LHPP: variants seen among roughly 807,000 people sequenced by gnomAD.
LHPP encodes the protein hLHPP.
In LHPP, 24 loss-of-function variants were observed where a neutral mutation model predicts 30.3. That is an observed-to-expected ratio of 0.79 (90% CI 0.57 to 1.11). The LOEUF is 1.11. LHPP is among the 50% of genes most tolerant of loss of function. The pLI is 0.00. For synonymous variants in LHPP, 150 were observed against 157.1 expected (o/e 0.95, Z 0.34); for missense variants, 356 against 367.2 (o/e 0.97, Z 0.25).
chr10:124,516,718 T>C (rs767985052), intron 5 of LHPP, among the ~76,000 whole-genome samples: 12 of 152,210 alleles, frequency 7.9e-5, no homozygotes, highest in Admixed American at 1.3e-4. Flanking sequence ...TATTATTTTG[T>C]TTTTAAGGCA....
intron 3 of LHPP, among the ~76,000 whole-genome samples, chr10:124,494,065 A>G (rs1317433530): frequency 1.3e-5 from 2 of 152,084 alleles, no homozygotes; most frequent in Non-Finnish European, 2.9e-5. Flanking sequence ...TTCTCCTTGG[A>G]CTCTAAAGAT....
Position 124,541,724 on chromosome 10 carries a change from C to T in LHPP, c.716+24453C>T, listed in dbSNP as rs533118606. 3.9e-5 allele frequency among the ~76,000 whole-genome samples: 6 copies of T among 152,206 alleles called. No homozygotes were observed. Among genetic ancestry groups the T allele is most frequent in the African/African-American group, 1.4e-4 (6 of 41,524 alleles). ...TGACGTCATCCCTCAGTACAAGCTACGAGGGCTTCTTAGAACACGCTGGAC... is the reference window on the plus strand; with the variant it reads ...TGACGTCATCCCTCAGTACAAGCTATGAGGGCTTCTTAGAACACGCTGGAC... On this transcript the variant is annotated intron_variant, in intron 6 of 6. Transcript: ENST00000368842. This position sits in a 1 kb window ranked among gnomAD's most constrained non-coding sequence, Gnocchi z 4.2.
At chr10:124,588,549 A>G (rs918383387) in intron 6 of LHPP, among the ~76,000 whole-genome samples, 2 of 152,236 alleles carry the variant, frequency 1.3e-5, no homozygotes, top group African/African-American at 4.8e-5. Flanking sequence ...TGCTGGGATT[A>G]CAGGCGTGAG....
intron 6 of LHPP, among the ~76,000 whole-genome samples, chr10:124,572,984 G>A (rs1235426394): frequency 6.6e-6 from 1 of 152,244 alleles, no homozygotes; most frequent in Non-Finnish European, 1.5e-5. Flanking sequence ...GTATCAGTGT[G>A]CATGGAGTTG....
chr10:124,574,462 G>A (rs1948631827), intron 6 of LHPP, among the ~76,000 whole-genome samples: 1 of 152,210 alleles, frequency 6.6e-6, no homozygotes, highest in Non-Finnish European at 1.5e-5. Flanking sequence ...GCTCAGTCTG[G>A]CTTTGATCTG....
chr10:124,498,280 AG>A (rs772488233), intron 5 of LHPP, 152 bp downstream of exon 5: 1 of 1,556,732 alleles, frequency 6.4e-7, no homozygotes, highest in Admixed American at 1.8e-5. Flanking sequence ...GCTGGGAAGG[AG>A]GGGGAAGACA....
chr10:124,467,628 C>T (rs924797682), intron 1 of LHPP, among the ~76,000 whole-genome samples: 1 of 150,926 alleles, frequency 6.6e-6, no homozygotes, highest in Non-Finnish European at 1.5e-5. Context: ...TCAAAAAAAT[C>T]TTTCTACCCA....
intron 5 of LHPP, among the ~76,000 whole-genome samples, chr10:124,512,993 G>A (rs1012191077): frequency 6.6e-6 from 1 of 152,170 alleles, no homozygotes; most frequent in Non-Finnish European, 1.5e-5. Flanking sequence ...CATAGTCATC[G>A]TTTCATTTTG....
chr10:124,469,819 A>G (rs1589753432), intron 1 of LHPP, among the ~76,000 whole-genome samples: 2 of 152,118 alleles, frequency 1.3e-5, no homozygotes, highest in South Asian at 4.1e-4. Context: ...CGGGAAGGCT[A>G]GAGCATCTGA....
At position 124,592,113 on chromosome 10, in the gene LHPP, T is replaced by G. The variant is rs1408209899; in HGVS notation, c.717-21151T>G. ...GAACAATAAGAGAAGGCAAGCCCTA[T>G]GGGATGGTAAACTGCAGTATAAAGC... On this transcript the variant is annotated intron_variant, in intron 6 of 6. Transcript: ENST00000368842. The surrounding 1 kb of genome is among the most constrained non-coding windows in gnomAD (Gnocchi z 6.2). Among the ~76,000 whole-genome samples the G allele has an allele frequency of 6.6e-6, 1 of 152,178 alleles. No homozygotes were observed. The highest frequency in any genetic ancestry group is 1.5e-5 in the Non-Finnish European group (1 of 68,028).
At chr10:124,468,244 C>T (rs1023077016) in intron 1 of LHPP, among the ~76,000 whole-genome samples, 1 of 152,172 alleles carries the variant, frequency 6.6e-6, no homozygotes, top group African/African-American at 2.4e-5. Flanking sequence ...TGATTGATTG[C>T]CAGGAGGGTT....
chr10:124,497,059 G>A, intron 4 of LHPP, 35 bp downstream of exon 4: 2 of 1,565,174 alleles, frequency 1.3e-6, no homozygotes, highest in Non-Finnish European at 1.8e-6. Flanking sequence ...ACTCTCTTCA[G>A]ACCTCAGGGC....
chr10:124,485,685 C>G (rs768952156), intron 2 of LHPP, among the ~76,000 whole-genome samples: 21 of 151,862 alleles, frequency 1.4e-4, no homozygotes, highest in Non-Finnish European at 3.1e-4. Flanking sequence ...CCTGTGACTT[C>G]CGCTTCCCTG....
chr10:124,596,053 T>A lies in LHPP; in HGVS notation c.717-17211T>A, dbSNP rs1172301363. On this transcript the variant is annotated intron_variant, in intron 6 of 6. Coordinates refer to ENST00000368842, the MANE Select transcript of LHPP (RefSeq NM_022126.4). The surrounding 1 kb of genome is among the most constrained non-coding windows in gnomAD (Gnocchi z 4.6). The stretch of plus-strand genomic sequence containing the variant: ...GGCTCCTACCCATGAACACCCACCG[T>A]TCATTTCATCCGTGTTGTTCTGTGC... Among the ~76,000 whole-genome samples the A allele has an allele frequency of 1.3e-5, 2 of 152,174 alleles. No homozygotes were observed. Among genetic ancestry groups the A allele is most frequent in the Non-Finnish European group, 2.9e-5 (2 of 68,034 alleles).
At chr10:124,612,386 C>G (rs1472399263) in intron 6 of LHPP, among the ~76,000 whole-genome samples, 1 of 152,150 alleles carries the variant, frequency 6.6e-6, no homozygotes, top group Non-Finnish European at 1.5e-5. Flanking sequence ...GCCTGGGCAA[C>G]AGAGTGACAC....
In LHPP at chr10:124,510,202, C is replaced by A. The variant is rs1398142547; in HGVS notation, c.625-6978C>A. Reference sequence around the variant, plus strand: ...TTTATTTCCCCTGACAGCGCACCTCCTGACCTCTATCTTCTTGCCAGTGAT... The same window carrying A: ...TTTATTTCCCCTGACAGCGCACCTCATGACCTCTATCTTCTTGCCAGTGAT... On this transcript the variant is annotated intron_variant, in intron 5 of 6. Coordinates refer to ENST00000368842, the MANE Select transcript of LHPP (RefSeq NM_022126.4). The surrounding 1 kb of genome is among the most constrained non-coding windows in gnomAD (Gnocchi z 4.0). 1.3e-5 allele frequency among the ~76,000 whole-genome samples: 2 copies of A among 152,238 alleles called. No homozygotes were observed.
intron 1 of LHPP, among the ~76,000 whole-genome samples, chr10:124,474,034 A>G (rs1952868633): frequency 2.0e-5 from 3 of 151,770 alleles, no homozygotes; most frequent in Admixed American, 1.3e-4. Context: ...AACTATCAGG[A>G]GATAAAAGCC....
intron 6 of LHPP, among the ~76,000 whole-genome samples, chr10:124,568,058 C>T (rs1163932006): frequency 1.3e-5 from 2 of 152,098 alleles, no homozygotes; most frequent in African/African-American, 4.8e-5. Context: ...GGACTACAGG[C>T]GCGTGCCACC....
chr10:124,478,655 T>C lies in LHPP; in HGVS notation c.126-5484T>C, dbSNP rs984746248. On this transcript the variant is annotated intron_variant, in intron 1 of 6. Coordinates refer to ENST00000368842, the MANE Select transcript of LHPP (RefSeq NM_022126.4). The surrounding 1 kb of genome is among the most constrained non-coding windows in gnomAD (Gnocchi z 4.7). ...GCAGATGTGGAGAGTCCGAGGTGAT[T>C]TGTAAGGGCCGGTTCATCTGATGCA... Among the ~76,000 whole-genome samples, 3 of 152,088 alleles carry C rather than the reference T, an allele frequency of 2.0e-5. No individual in the cohort carries two copies. The highest frequency in any genetic ancestry group is 4.4e-5 in the Non-Finnish European group (3 of 68,002).
Sources: allele counts gnomAD v4.1 joint callset (sites outside exome capture counted in the v4.1 genomes callset), GRCh38; gene constraint gnomAD v4.1.1; non-coding constraint Gnocchi (gnomAD v3.1); transcripts MANE v1.5; gene names NCBI Gene and HGNC (gene_info 2026-07-23, HGNC 2026-07-21).